LGALS8: variants seen among roughly 807,000 people sequenced by gnomAD.
LGALS8 encodes the protein galectin-8.
In LGALS8, 30 loss-of-function variants were observed where a neutral mutation model predicts 35.9. The ratio of observed to expected loss-of-function variants is 0.83; its 90% CI spans 0.62 to 1.13. The LOEUF (loss-of-function observed/expected upper bound fraction) is 1.13. LGALS8 is among the 50% of genes most tolerant of loss of function. The pLI, the probability that LGALS8 is intolerant of heterozygous loss-of-function variation, is 0.00. For missense variants in LGALS8, 366 were observed against 388.7 expected (o/e 0.94, Z 0.49); for synonymous variants, 138 against 136.1 (o/e 1.01, Z -0.10).
At chr1:236,536,131 C>T (rs1031457221) in intron 2 of LGALS8, 9 of 152,252 alleles carry the variant, frequency 5.9e-5, no homozygotes, top group Admixed American at 5.9e-4. Context: ...GAGGCTGTGC[C>T]TCAAGGCGAT....
At chr1:236,539,242 G>A (rs1661791136) in intron 4 of LGALS8, 153 bp downstream of exon 4, 3 of 606,706 alleles carry the variant, frequency 4.9e-6, no homozygotes, top group Non-Finnish European at 5.8e-6. Flanking sequence ...GACCAGGAAG[G>A]CACCTAAATG....
At chr1:236,537,026 T>TTTTGTTTTTTTG (rs1210765414) in intron 2 of LGALS8, among the ~76,000 whole-genome samples, 1 of 137,946 alleles carries the variant, frequency 7.2e-6, no homozygotes, top group Non-Finnish European at 1.6e-5. Flanking sequence ...AGTTCCTTTT[T>TTTTGTTTTTTTG]TTTTTTTTGA....
chr1:236,537,155 T>C (rs926659285), intron 2 of LGALS8, among the ~76,000 whole-genome samples: 20 of 151,756 alleles, frequency 1.3e-4, no homozygotes, highest in African/African-American at 3.9e-4. Flanking sequence ...TAGCTGGGAC[T>C]ACAGGCGCCC....
chr1:236,540,343 GAC>G (rs1367237119), intron 4 of LGALS8: 4 of 454,174 alleles, frequency 8.8e-6, no homozygotes, highest in South Asian at 4.9e-5. Flanking sequence ...TCTGGGGAGA[GAC>G]AGTTCCTGGT....
chr1:236,537,384 T>C (rs1388444301), intron 2 of LGALS8, 113 bp from the exon 3 acceptor site: 3 of 704,384 alleles, frequency 4.3e-6, no homozygotes, highest in African/African-American at 1.8e-5. Flanking sequence ...AGCAGATTTA[T>C]GTGCAGCCTT....
chr1:236,545,162 C>A (rs567555429), intron 9 of LGALS8: 47 of 296,076 alleles, frequency 1.6e-4, no homozygotes, highest in African/African-American at 9.2e-4. Context: ...TCCTGTGTAG[C>A]CCCATATTGA....
chr1:236,533,505 T>C (rs1436109229), intron 2 of LGALS8, among the ~76,000 whole-genome samples: 7 of 152,144 alleles, frequency 4.6e-5, no homozygotes, highest in Non-Finnish European at 8.8e-5. Flanking sequence ...CGGCTAATTT[T>C]GTATTTTTAG....
chr1:236,522,956 C>T (rs778732905), upstream of LGALS8: 1 of 152,096 alleles, frequency 6.6e-6, no homozygotes, highest in Non-Finnish European at 1.5e-5. Flanking sequence ...AGGAGAAAGC[C>T]CACGTTAATG....
rs1661452438 is a variant in LGALS8 at position 236,535,754 on chromosome 1, A to G, written c.46-1743A>G. Among the ~76,000 whole-genome samples, 7 of 152,326 alleles carry G rather than the reference A, an allele frequency of 4.6e-5. No individual in the cohort carries two copies. In the South Asian group the frequency reaches 1.2e-3, roughly 27 times the overall value. On this transcript the variant is annotated intron_variant, in intron 2 of 9. Transcript: ENST00000366584. ...GTCATGTGCCTCCCACCCTGCTCCT[A>G]GCAATTGCCATGACAACAAATAGAT...
At chr1:236,545,641 C>T (rs946172255) in intron 9 of LGALS8, among the ~76,000 whole-genome samples, 6 of 152,084 alleles carry the variant, frequency 3.9e-5, no homozygotes, top group Non-Finnish European at 8.8e-5. Context: ...CATCAAAACT[C>T]GTTACTAAAA....
chr1:236,524,375 C>A (rs1234504858), intron 1 of LGALS8: 1 of 456,636 alleles, frequency 2.2e-6, no homozygotes, highest in Non-Finnish European at 4.4e-6. Context: ...GCTGCAAACC[C>A]ACCCCACCTG....
At chr1:236,521,992 A>G (rs574593230), upstream of LGALS8, among the ~76,000 whole-genome samples, 8 of 152,174 alleles carry the variant, frequency 5.3e-5, no homozygotes, top group African/African-American at 1.7e-4. Flanking sequence ...GAGATGTGGG[A>G]CTCTATCTAG....
intron 6 of LGALS8, 117 bp from the exon 7 acceptor site, chr1:236,542,644 T>C: frequency 9.7e-7 from 1 of 1,032,626 alleles, no homozygotes; most frequent in East Asian, 2.4e-5. Context: ...CACACCAGAG[T>C]GGAGCAGGAA....
chr1:236,541,328 G>C, intron 5 of LGALS8: 2 of 218,188 alleles, frequency 9.2e-6, no homozygotes, highest in Non-Finnish European at 8.8e-6. Flanking sequence ...ACATTTCTCA[G>C]AACATACCCC....
In LGALS8 at chr1:236,537,934, T is replaced by TTAA. The variant is rs146620270; in HGVS notation, c.134+349_134+350insTAA. Among the ~76,000 whole-genome samples the TTAA allele has an allele frequency of 6.5e-3, 834 of 128,854 alleles. 10 individuals are homozygous for TTAA. Among genetic ancestry groups the TTAA allele is most frequent in the Middle Eastern group, 0.011 (3 of 266 alleles). The allele number at this position is 128,854 out of a possible 152,430, so 84.5% of individuals were successfully genotyped here. On this transcript the variant is annotated intron_variant, in intron 3 of 9. Transcript: ENST00000366584. ...GCAACATAGTGAGACCCCCCATCTG[T>TTAA]AAAAAAAAAAAAAATTTAAAAATTA... is the stretch of plus-strand genomic sequence containing the variant.
rs777472053 is a variant in LGALS8, at chr1:236,548,023, T to TAATTTAC, written c.816_817insAATTTAC (p.Cys273AsnfsTer4). On this transcript the variant is annotated frameshift_variant, in exon 10 of 10. Coordinates refer to ENST00000366584, the MANE Select transcript of LGALS8 (RefSeq NM_201544.4). LOFTEE classifies it high-confidence loss of function. ...TCCTTTCCTTTCAGATGATAATTTA[T>TAATTTAC]TGTGATGTTAGAGAATTCAAGGTTG... 4.3e-6 allele frequency: 7 copies of TAATTTAC among 1,610,396 alleles called. No homozygotes were observed. In the East Asian group the frequency reaches 6.7e-5, roughly 15 times the overall value.
chr1:236,528,209 C>A (rs1201088213), intron 2 of LGALS8, among the ~76,000 whole-genome samples: 2 of 151,964 alleles, frequency 1.3e-5, no homozygotes, highest in Non-Finnish European at 2.9e-5. Context: ...GGCGAAACTC[C>A]GTCTCTACTT....
In LGALS8 at chr1:236,549,033, AAAGT is replaced by A; in HGVS notation, c.*876_*879del. The A allele has an allele frequency of 2.5e-6, 1 of 398,646 alleles. No homozygotes were observed. Among genetic ancestry groups the A allele is most frequent in the Non-Finnish European group, 4.4e-6 (1 of 226,050 alleles). The allele number at this position is 398,646 out of a possible 1,614,324, so 24.7% of individuals were successfully genotyped here. A position where few individuals can be genotyped will look rare whatever the true frequency, so the allele number is the denominator to read the frequency against. On this transcript the variant is annotated 3_prime_UTR_variant, in exon 10 of 10. Coordinates refer to ENST00000366584, the MANE Select transcript of LGALS8 (RefSeq NM_201544.4). Reference sequence around the variant, plus strand: ...AATTTGAAAGATATTTATGGGCAACAAAGTAAGGTCAGGATTAGACTTCAGGCAT... The same window carrying A: ...AATTTGAAAGATATTTATGGGCAACAAAGGTCAGGATTAGACTTCAGGCAT...
Position 236,526,131 on chromosome 1 carries a change from A to G in LGALS8, c.45+16A>G, listed in dbSNP as rs903588462. On this transcript the variant is annotated intron_variant, in intron 2 of 9. Transcript: ENST00000366584. This position sits in a 1 kb window ranked among gnomAD's most constrained non-coding sequence, Gnocchi z 4.6. ...CTATAACCCGGTAACTGATTTCTAT[A>G]AGATAACTTTTTACCTATGCCAGGA... is the stretch of plus-strand genomic sequence containing the variant. 1 of 1,572,824 alleles carries G rather than the reference A, an allele frequency of 6.4e-7. No homozygotes were observed. Among genetic ancestry groups the G allele is most frequent in the Non-Finnish European group, 8.7e-7 (1 of 1,143,162 alleles).
Sources: allele counts gnomAD v4.1 joint callset (sites outside exome capture counted in the v4.1 genomes callset), GRCh38; gene constraint gnomAD v4.1.1; non-coding constraint Gnocchi (gnomAD v3.1); transcripts MANE v1.5; gene names NCBI Gene and HGNC (gene_info 2026-07-23, HGNC 2026-07-21).